The following IREB2 variants were observed in gnomAD, a reference collection of about 807,000 sequenced individuals.
IREB2 encodes iron-responsive element-binding protein 2.
Under a neutral mutation model 118.8 loss-of-function variants are expected in IREB2, and 39 were observed. The ratio of observed to expected loss-of-function variants is 0.33; its 90% CI spans 0.25 to 0.43. The LOEUF is 0.43. Ranked by LOEUF, IREB2 falls within the 20% of genes least tolerant of loss-of-function variation. IREB2 has a pLI of 1.00. For missense variants in IREB2, 900 were observed against 1,147.3 expected, an observed-to-expected ratio of 0.78 and a Z score of 3.11; for synonymous variants, 372 against 392.2, an observed-to-expected ratio of 0.95 and a Z score of 0.61.
intron 2 of IREB2, among the ~76,000 whole-genome samples, chr15:78,442,135 A>G (rs2050854534): frequency 6.6e-6 from 1 of 152,108 alleles, no homozygotes; most frequent in African/African-American, 2.4e-5. Context: ...ACCTCAAGTG[A>G]TCCACCCACC....
chr15:78,439,795 G>A lies in IREB2; in HGVS notation c.20G>A (p.Gly7Glu). The A allele has an allele frequency of 6.4e-7, 1 of 1,558,632 alleles. No homozygotes were observed. Among genetic ancestry groups the A allele is most frequent in the Non-Finnish European group, 8.7e-7 (1 of 1,144,278 alleles). MDAPKA[G>E]YAFEYLIETL... is the part of the protein sequence containing the mutation. ...AATGAAAATACAATTTTTTTTTCAG[G>A]ATACGCCTTTGAGTACCTTATTGAA... Residue 7 changes from glycine (G) to glutamate (E), a missense_variant and splice_region_variant, in exon 2 of 22, where the codon GGA becomes GAA. Transcript: ENST00000258886.
At chr15:78,453,686 T>C (rs1049802040) in intron 2 of IREB2, among the ~76,000 whole-genome samples, 3 of 152,092 alleles carry the variant, frequency 2.0e-5, no homozygotes, top group African/African-American at 7.2e-5. Flanking sequence ...GTGGGTATAG[T>C]AGGAGGAAGT....
At chr15:78,479,266 G>T (rs1036906093) in intron 10 of IREB2, among the ~76,000 whole-genome samples, 5 of 151,982 alleles carry the variant, frequency 3.3e-5, no homozygotes, top group Non-Finnish European at 5.9e-5. Context: ...GGCTGAGGGG[G>T]TAGCTATCAT....
At chr15:78,464,815 G>C (rs1185723772) in intron 3 of IREB2, among the ~76,000 whole-genome samples, 1 of 152,288 alleles carries the variant, frequency 6.6e-6, no homozygotes, top group South Asian at 2.1e-4. Flanking sequence ...CACACTGAAG[G>C]CATTTGATAA....
chr15:78,471,793 T>C lies in IREB2; in HGVS notation c.752T>C (p.Met251Thr). The C allele has an allele frequency of 6.2e-7, 1 of 1,613,626 alleles. No homozygotes were observed. Among genetic ancestry groups the C allele is most frequent in the Middle Eastern group, 1.7e-4 (1 of 6,060 alleles). The part of the protein sequence containing the change: ...NVAVIPPGTG[M>T]AHQINLEYLS... Reference sequence around the variant, plus strand: ...GCAGTGATCCCTCCTGGAACTGGAATGGCTCATCAAATAAACTTAGAATAT... The same window carrying C: ...GCAGTGATCCCTCCTGGAACTGGAACGGCTCATCAAATAAACTTAGAATAT... Residue 251 changes from methionine to threonine, a missense_variant, in exon 7 of 22, where the codon ATG becomes ACG. Physicochemically the swap from Met to Thr is moderately conservative, Grantham distance 81 (BLOSUM62 -1). Coordinates refer to ENST00000258886, the MANE Select transcript of IREB2 (RefSeq NM_004136.4).
intron 2 of IREB2, among the ~76,000 whole-genome samples, chr15:78,444,864 A>C (rs1315893202): frequency 6.6e-6 from 1 of 152,288 alleles, no homozygotes; most frequent in East Asian, 1.9e-4. Context: ...GAGTTCAGGT[A>C]GAAAGGGATA....
intron 4 of IREB2, 31 bp downstream of exon 4, chr15:78,465,419 A>G: frequency 6.3e-7 from 1 of 1,578,166 alleles, no homozygotes; most frequent in Non-Finnish European, 8.6e-7. Context: ...ATAGACAGCC[A>G]TGCAAGTTAA....
intron 2 of IREB2, among the ~76,000 whole-genome samples, chr15:78,458,880 C>A (rs2051150021): frequency 1.3e-5 from 2 of 152,094 alleles, no homozygotes; most frequent in South Asian, 4.1e-4. Flanking sequence ...GCAAGATCAG[C>A]CTTGACTTCC....
rs944869123 is a variant in IREB2 at position 78,499,086 on chromosome 15, G to A, written c.*943G>A. ...TTAAATTATCCACCCTCAATAATAC[G>A]GGTGCTCAACCCTATGCATTTTTTA... On this transcript the variant is annotated 3_prime_UTR_variant, in exon 22 of 22. Transcript: ENST00000258886. The A allele has an allele frequency of 4.6e-5, 7 of 152,020 alleles. No homozygotes were observed. The highest frequency in any genetic ancestry group is 1.3e-4 in the Admixed American group (2 of 15,268). 9.4% of individuals were successfully genotyped at this position (152,020 alleles called of 1,614,324 possible).
chr15:78,447,864 A>G (rs1422860119), intron 2 of IREB2, among the ~76,000 whole-genome samples: 2 of 152,224 alleles, frequency 1.3e-5, no homozygotes, highest in African/African-American at 2.4e-5. Flanking sequence ...CCTATTGGAC[A>G]TGACATTTGT....
chr15:78,456,369 A>G (rs2051105428), intron 2 of IREB2, among the ~76,000 whole-genome samples: 1 of 152,158 alleles, frequency 6.6e-6, no homozygotes, highest in Non-Finnish European at 1.5e-5. Context: ...TTGAGTTAAC[A>G]TTTGTGGGAC....
intron 2 of IREB2, among the ~76,000 whole-genome samples, chr15:78,462,385 C>T (rs2051212228): frequency 6.6e-6 from 1 of 152,192 alleles, no homozygotes. Context: ...AAATCACTTT[C>T]TCAATTGTGT....
chr15:78,465,620 G>C (rs2051269705), intron 4 of IREB2, among the ~76,000 whole-genome samples: 1 of 152,056 alleles, frequency 6.6e-6, no homozygotes, highest in Non-Finnish European at 1.5e-5. Flanking sequence ...CCTAGGACCT[G>C]CTTTTTGGAG....
At chr15:78,440,190 G>A (rs898716568) in intron 2 of IREB2, among the ~76,000 whole-genome samples, 12 of 151,694 alleles carry the variant, frequency 7.9e-5, no homozygotes, top group African/African-American at 2.7e-4. Flanking sequence ...GTCTTGCTAT[G>A]TTACCCAGGC....
chr15:78,488,144 T>A (rs2051691510), intron 14 of IREB2, 36 bp from the exon 15 acceptor site: 2 of 1,578,704 alleles, frequency 1.3e-6, no homozygotes, highest in African/African-American at 1.4e-5. Context: ...TCTCTAGAAT[T>A]GAATTTATTT....
At chr15:78,470,671 T>A in intron 6 of IREB2, 70 bp downstream of exon 6, 1 of 714,208 alleles carries the variant, frequency 1.4e-6, no homozygotes, top group East Asian at 2.9e-5. Flanking sequence ...TTTTATATCT[T>A]TGTTTCTTTT....
At chr15:78,467,457 C>T (rs568489694) in intron 5 of IREB2, among the ~76,000 whole-genome samples, 5 of 152,210 alleles carry the variant, frequency 3.3e-5, no homozygotes, top group South Asian at 4.1e-4. Flanking sequence ...TTTGGGAGGC[C>T]GGGGCAGGCA....
At chr15:78,464,096 A>G (rs1285368532) in intron 3 of IREB2, among the ~76,000 whole-genome samples, 1 of 152,128 alleles carries the variant, frequency 6.6e-6, no homozygotes, top group South Asian at 2.1e-4. Flanking sequence ...TTCTAGTCCC[A>G]TTCTCTCTTA....
intron 6 of IREB2, 35 bp from the exon 7 acceptor site, chr15:78,471,706 A>C (rs757276555): frequency 7.4e-7 from 1 of 1,355,284 alleles, no homozygotes; most frequent in Non-Finnish European, 1.0e-6. Context: ...TTTATATACT[A>C]ACATTTGTAT....
Sources: gnomAD v4.1 joint callset for allele counts (sites outside exome capture counted in the v4.1 genomes callset) on GRCh38, gnomAD v4.1.1 for gene constraint, MANE v1.5 for transcripts, NCBI Gene and HGNC (gene_info 2026-07-23, HGNC 2026-07-21) for gene names.